The following ZNF784 variants were observed in gnomAD, a reference collection of about 807,000 sequenced individuals.
The protein encoded by ZNF784 is zinc finger protein 784.
Under a neutral mutation model 3.3 loss-of-function variants are expected in ZNF784, and 5 were observed. The observed-to-expected ratio is 1.53, with a 90% CI of 0.80 to 3.22. The LOEUF (loss-of-function observed/expected upper bound fraction) is 3.22, where lower values mean the gene tolerates loss of function less well. Among genes scored for constraint, ZNF784 ranks in the 30% most tolerant of loss-of-function variants. ZNF784 has a pLI of 0.00. For synonymous variants in ZNF784, 231 were observed against 219.6 expected, an observed-to-expected ratio of 1.05 and a Z score of -0.46; for missense variants, 501 against 480.7, an observed-to-expected ratio of 1.04 and a Z score of -0.39.
rs1468582591 is a variant in ZNF784 at position 55,622,167 on chromosome 19, C to T, written c.556G>A (p.Ala186Thr). 2 of 1,533,502 alleles carry T rather than the reference C, an allele frequency of 1.3e-6. No homozygotes were observed. Among genetic ancestry groups the T allele is most frequent in the Admixed American group, 2.0e-5 (1 of 50,894 alleles). The allele number at this position is 1,533,502 out of a possible 1,614,324, so 95.0% of individuals were successfully genotyped here. A position where few individuals can be genotyped will look rare whatever the true frequency, so the allele number is the denominator to read the frequency against. ...TTCCCCACCGCTGCGCCCGCCGCCG[C>T]CGCCGCCATCACCACCTCCGCCCTC... ...PERAEVVMAAAAAGAAVGKPF... is the reference protein window; with the variant it reads ...PERAEVVMAATAAGAAVGKPF... The change falls in exon 2 of 2, where the codon GCG becomes ACG. Residue 186 changes from alanine to threonine, a missense_variant. Coordinates refer to ENST00000325351, the MANE Select transcript of ZNF784 (RefSeq NM_203374.2). The surrounding 1 kb of genome is among the most constrained non-coding windows in gnomAD (Gnocchi z 5.9).
rs113444847 is a variant in ZNF784, at chr19:55,622,655, G to A, written c.79-11C>T. ...ATCAGGCACCAGGACCTGGGCAAGA[G>A]GAGAAGAAAGAGGAGCCTGTGGAAC... On this transcript the variant is annotated splice_polypyrimidine_tract_variant and intron_variant, in intron 1 of 1. Coordinates refer to ENST00000325351, the MANE Select transcript of ZNF784 (RefSeq NM_203374.2). The surrounding 1 kb of genome is among the most constrained non-coding windows in gnomAD (Gnocchi z 5.9). The A allele has an allele frequency of 8.4e-5, 128 of 1,525,558 alleles. 1 individual carries two copies. In the African/African-American group the frequency reaches 1.4e-3, roughly 16 times the overall value. 94.5% of individuals were successfully genotyped at this position (1,525,558 alleles called of 1,614,324 possible). A position where few individuals can be genotyped will look rare whatever the true frequency, so the allele number is the denominator to read the frequency against.
In ZNF784 at chr19:55,622,784, T is replaced by C; in HGVS notation, c.79-140A>G. 1.4e-6 allele frequency: 1 copy of C among 708,388 alleles called. No homozygotes were observed. Among genetic ancestry groups the C allele is most frequent in the Non-Finnish European group, 2.1e-6 (1 of 475,418 alleles). 43.9% of individuals were successfully genotyped at this position (708,388 alleles called of 1,614,324 possible). On this transcript the variant is annotated intron_variant, in intron 1 of 1. Coordinates refer to ENST00000325351, the MANE Select transcript of ZNF784 (RefSeq NM_203374.2). The surrounding 1 kb of genome is among the most constrained non-coding windows in gnomAD (Gnocchi z 5.9). ...GTTGCCCTGGCGCGATCGTGGCTCA[T>C]TGCAACCTTGACCTCCTGGGCTCAA...
intron 1 of ZNF784, 137 bp downstream of exon 1, chr19:55,624,347 G>A: frequency 3.4e-6 from 1 of 295,960 alleles, no homozygotes; most frequent in Non-Finnish European, 5.2e-6. Flanking sequence ...GAAACCACAA[G>A]AAGCCCCACC....
At position 55,621,775 on chromosome 19, in the gene ZNF784, CTTCGCG is replaced by C; in HGVS notation, c.942_947del (p.Ala315_Lys316del). ...CCTACTGGTCGGCCTCCACCTTCACCTTCGCGGTCTCCCCCCGCCCCTCCTCCGCAG... is the reference window on the plus strand; with the variant it reads ...CCTACTGGTCGGCCTCCACCTTCACCGTCTCCCCCCGCCCCTCCTCCGCAG... On this transcript the variant is annotated inframe_deletion, in exon 2 of 2. Transcript: ENST00000325351. The surrounding 1 kb of genome is among the most constrained non-coding windows in gnomAD (Gnocchi z 4.1). 6.3e-7 allele frequency: 1 copy of C among 1,597,622 alleles called. No homozygotes were observed. Among genetic ancestry groups the C allele is most frequent in the Non-Finnish European group, 8.5e-7 (1 of 1,179,776 alleles).
In ZNF784 at chr19:55,621,696, C is replaced by T; in HGVS notation, c.*55G>A. ...CTCCGTTTCCCCACCCCGTCCCCCTCCCCGGGTCGGCCTCGTACCTCCGCC... is the reference window on the plus strand; with the variant it reads ...CTCCGTTTCCCCACCCCGTCCCCCTTCCCGGGTCGGCCTCGTACCTCCGCC... On this transcript the variant is annotated 3_prime_UTR_variant, in exon 2 of 2. Coordinates refer to ENST00000325351, the MANE Select transcript of ZNF784 (RefSeq NM_203374.2). This position sits in a 1 kb window ranked among gnomAD's most constrained non-coding sequence, Gnocchi z 4.1. The T allele has an allele frequency of 1.3e-6, 2 of 1,571,646 alleles. No individual in the cohort carries two copies. Among genetic ancestry groups the T allele is most frequent in the Admixed American group, 3.4e-5 (2 of 58,818 alleles).
Position 55,622,091 on chromosome 19 carries a change from A to G in ZNF784, c.632T>C (p.Met211Thr), listed in dbSNP as rs1981580641. The G allele has an allele frequency of 1.9e-6, 3 of 1,575,624 alleles. No individual in the cohort carries two copies. The highest frequency in any genetic ancestry group is 2.7e-5 in the African/African-American group (2 of 74,494). Residue 211 changes from methionine (M) to threonine (T), a missense_variant, in exon 2 of 2, where the codon ATG (methionine) becomes ACG (threonine). Transcript: ENST00000325351. This position sits in a 1 kb window ranked among gnomAD's most constrained non-coding sequence, Gnocchi z 5.9. ...AGTGTGCACGCGCTCGTGGTCTCGC[A>G]TGTCTGAGGAGCGGCGGAAGGGCTT... ...CAKPFRRSSD[M>T]RDHERVHTGE...
At chr19:55,623,931 T>A (rs1365698908) in intron 1 of ZNF784, among the ~76,000 whole-genome samples, 1 of 152,152 alleles carries the variant, frequency 6.6e-6, no homozygotes, top group Non-Finnish European at 1.5e-5. Context: ...ATTAGTCTAA[T>A]TCTGAGTGGG....
Position 55,624,547 on chromosome 19 carries a change from G to A in ZNF784, c.15C>T (p.Arg5=). MAAA[R]PEAQSRSSPT... ...GTGAGCTCCGACTCTGGGCCTCTGGGCGCGCAGCGGCCATCTTGTGCCCAA... is the reference window on the plus strand; with the variant it reads ...GTGAGCTCCGACTCTGGGCCTCTGGACGCGCAGCGGCCATCTTGTGCCCAA... The change falls in exon 1 of 2, where the codon CGC becomes CGT. Residue 5 remains arginine, a synonymous_variant. Coordinates refer to ENST00000325351, the MANE Select transcript of ZNF784 (RefSeq NM_203374.2). The A allele has an allele frequency of 1.9e-6, 3 of 1,594,378 alleles. No individual in the cohort carries two copies. The highest frequency in any genetic ancestry group is 2.6e-6 in the Non-Finnish European group (3 of 1,171,700).
Position 55,621,951 on chromosome 19 carries a change from C to G in ZNF784, c.772G>C (p.Asp258His), listed in dbSNP as rs761241699. 2 of 1,596,016 alleles carry G rather than the reference C, an allele frequency of 1.3e-6. No individual in the cohort carries two copies. The highest frequency in any genetic ancestry group is 3.4e-5 in the Admixed American group (2 of 59,176). ...GERPFRCTLC[D>H]RTFNNSSNFR... ...TTGGAGGAGTTGTTGAAGGTGCGGT[C>G]GCAGAGCGTGCAGCGGAACGGGCGC... The change falls in exon 2 of 2, where the codon GAC becomes CAC. Residue 258 changes from aspartate to histidine, a missense_variant. Coordinates refer to ENST00000325351, the MANE Select transcript of ZNF784 (RefSeq NM_203374.2). The surrounding 1 kb of genome is among the most constrained non-coding windows in gnomAD (Gnocchi z 4.1).
At position 55,621,978 on chromosome 19, in the gene ZNF784, C is replaced by T; in HGVS notation, c.745G>A (p.Glu249Lys). The part of the protein sequence containing the change: ...LSGHARIHTG[E>K]RPFRCTLCDR... ...CAGAGCGTGCAGCGGAACGGGCGCT[C>T]GCCAGTGTGGATGCGGGCGTGGCCG... Residue 249 changes from glutamate to lysine, a missense_variant, in exon 2 of 2, where the codon GAG becomes AAG. Glu to Lys is a moderately conservative substitution (Grantham distance 56). Coordinates refer to ENST00000325351, the MANE Select transcript of ZNF784 (RefSeq NM_203374.2). This position sits in a 1 kb window ranked among gnomAD's most constrained non-coding sequence, Gnocchi z 4.1. 6.3e-7 allele frequency: 1 copy of T among 1,595,046 alleles called. No individual in the cohort carries two copies.
rs1039921001 is a variant in ZNF784 at position 55,622,909 on chromosome 19, G to T, written c.79-265C>A. On this transcript the variant is annotated intron_variant, in intron 1 of 1. Transcript: ENST00000325351. The surrounding 1 kb of genome is among the most constrained non-coding windows in gnomAD (Gnocchi z 5.9). ...AAATTATTTCTGGCTGGGCACGGTG[G>T]CTCAGGCCTGTAATACCAGCACATT... Among the ~76,000 whole-genome samples, 2 of 152,168 alleles carry T rather than the reference G, an allele frequency of 1.3e-5. No individual in the cohort carries two copies. Among genetic ancestry groups the T allele is most frequent in the African/African-American group, 4.8e-5 (2 of 41,416 alleles).
chr19:55,620,889 T>C lies in ZNF784; in HGVS notation c.*862A>G, dbSNP rs1039862266. ...GCCATCAGCCAGCCCGCCCTTGGGA[T>C]TGGCGGGGACTAGGCAGTAAGCTGT... On this transcript the variant is annotated 3_prime_UTR_variant, in exon 2 of 2. Transcript: ENST00000325351. 3.3e-5 allele frequency: 5 copies of C among 152,812 alleles called. No individual in the cohort carries two copies. The highest frequency in any genetic ancestry group is 9.6e-5 in the African/African-American group (4 of 41,574). The allele number at this position is 152,812 out of a possible 1,614,324, so 9.5% of individuals were successfully genotyped here.
Position 55,622,558 on chromosome 19 carries a change from C to A in ZNF784, c.165G>T (p.Leu55=), listed in dbSNP as rs759553801. The part of the protein sequence containing the change: ...IQVVKVTDTT[L]VPEPPEPGSF... Reference sequence around the variant, plus strand: ...AACCTGGCTCCGGGGGCTCAGGGACCAGCGTGGTGTCCGTCACCTTCACCA... The same window carrying A: ...AACCTGGCTCCGGGGGCTCAGGGACAAGCGTGGTGTCCGTCACCTTCACCA... Residue 55 remains leucine, a synonymous_variant, in exon 2 of 2, where the codon CTG becomes CTT. Transcript: ENST00000325351. This position sits in a 1 kb window ranked among gnomAD's most constrained non-coding sequence, Gnocchi z 5.9. The A allele has an allele frequency of 6.2e-7, 1 of 1,610,806 alleles. No homozygotes were observed. The highest frequency in any genetic ancestry group is 1.1e-5 in the South Asian group (1 of 90,632).
At chr19:55,624,414 G>A (rs747650666) in intron 1 of ZNF784, 70 bp downstream of exon 1, 57 of 309,562 alleles carry the variant, frequency 1.8e-4, no homozygotes, top group Middle Eastern at 2.0e-3. Context: ...GCCACGCCCC[G>A]GACCCGCCCC....
Position 55,622,657 on chromosome 19 carries a change from A to C in ZNF784, c.79-13T>G. 1.3e-6 allele frequency: 2 copies of C among 1,523,166 alleles called. No individual in the cohort carries two copies. Among genetic ancestry groups the C allele is most frequent in the Non-Finnish European group, 1.8e-6 (2 of 1,135,572 alleles). The allele number at this position is 1,523,166 out of a possible 1,614,324, so 94.4% of individuals were successfully genotyped here. ...CAGGCACCAGGACCTGGGCAAGAGG[A>C]GAAGAAAGAGGAGCCTGTGGAACCT... is the stretch of plus-strand genomic sequence containing the variant. On this transcript the variant is annotated splice_polypyrimidine_tract_variant and intron_variant, in intron 1 of 1. Transcript: ENST00000325351. The surrounding 1 kb of genome is among the most constrained non-coding windows in gnomAD (Gnocchi z 5.9).
In ZNF784 at chr19:55,622,303, G is replaced by A. The variant is rs1600021576; in HGVS notation, c.420C>T (p.Ala140=). 2.0e-6 allele frequency: 3 copies of A among 1,519,798 alleles called. No homozygotes were observed. The highest frequency in any genetic ancestry group is 2.5e-5 in the South Asian group (2 of 81,382). The allele number at this position is 1,519,798 out of a possible 1,614,324, so 94.1% of individuals were successfully genotyped here. A position where few individuals can be genotyped will look rare whatever the true frequency, so the allele number is the denominator to read the frequency against. The part of the protein sequence containing the change: ...RCALCPRAFK[A]LAPLLRHQHR... ...GCTGGTGCCGGAGCAGGGGCGCCAA[G>A]GCCTTGAAGGCGCGGGGGCAGAGCG... Residue 140 remains alanine, a synonymous_variant, in exon 2 of 2, where the codon GCC becomes GCT. Coordinates refer to ENST00000325351, the MANE Select transcript of ZNF784 (RefSeq NM_203374.2). The surrounding 1 kb of genome is among the most constrained non-coding windows in gnomAD (Gnocchi z 5.9).
Position 55,622,131 on chromosome 19 carries a change from A to G in ZNF784, c.592T>C (p.Cys198Arg), listed in dbSNP as rs1289199275. Residue 198 changes from cysteine to arginine, a missense_variant, in exon 2 of 2, where the codon TGC (cysteine) becomes CGC (arginine). Transcript: ENST00000325351. This position sits in a 1 kb window ranked among gnomAD's most constrained non-coding sequence, Gnocchi z 5.9. ...CGGAAGGGCTTGGCGCAGAACCTGCAGGCAAAAGGCTTCCCCACCGCTGCG... is the reference window on the plus strand; with the variant it reads ...CGGAAGGGCTTGGCGCAGAACCTGCGGGCAAAAGGCTTCCCCACCGCTGCG... The part of the protein sequence containing the change: ...AGAAVGKPFA[C>R]RFCAKPFRRS... 1 of 1,543,434 alleles carries G rather than the reference A, an allele frequency of 6.5e-7. No individual in the cohort carries two copies. Among genetic ancestry groups the G allele is most frequent in the Non-Finnish European group, 8.7e-7 (1 of 1,150,892 alleles).
rs1003676749 is a variant in ZNF784 at position 55,621,579 on chromosome 19, T to C, written c.*172A>G. 3.4e-6 allele frequency: 3 copies of C among 887,804 alleles called. No individual in the cohort carries two copies. Among genetic ancestry groups the C allele is most frequent in the Admixed American group, 2.7e-5 (1 of 37,490 alleles). 55.0% of individuals were successfully genotyped at this position (887,804 alleles called of 1,614,324 possible). ...TGTGGGCGTGTGGGAGTCTGGAGCC[T>C]GGCCCTCTCCCTCTGCTCTCCATCA... On this transcript the variant is annotated 3_prime_UTR_variant, in exon 2 of 2. Coordinates refer to ENST00000325351, the MANE Select transcript of ZNF784 (RefSeq NM_203374.2). The surrounding 1 kb of genome is among the most constrained non-coding windows in gnomAD (Gnocchi z 4.1).
rs752389622 is a variant in ZNF784, at chr19:55,624,534, T to C, written c.28A>G (p.Ser10Gly). ...GACTCCGGAGTCGGTGAGCTCCGAC[T>C]CTGGGCCTCTGGGCGCGCAGCGGCC... is the stretch of plus-strand genomic sequence containing the variant. MAAARPEAQ[S>G]RSSPTPESRS... Residue 10 changes from serine to glycine, a missense_variant, in exon 1 of 2, where the codon AGT becomes GGT. Transcript: ENST00000325351. 11 of 1,597,914 alleles carry C rather than the reference T, an allele frequency of 6.9e-6. No individual in the cohort carries two copies. Among genetic ancestry groups the C allele is most frequent in the East Asian group, 2.3e-5 (1 of 43,862 alleles).
Sources: gnomAD v4.1 joint callset for allele counts (sites outside exome capture counted in the v4.1 genomes callset) on GRCh38, gnomAD v4.1.1 for gene constraint, Gnocchi (gnomAD v3.1) non-coding constraint, MANE v1.5 for transcripts, NCBI Gene and HGNC (gene_info 2026-07-23, HGNC 2026-07-21) for gene names.